Variants in EYA2 observed in about 807,000 individuals in gnomAD.
The protein encoded by EYA2 is protein phosphatase EYA2.
A neutral mutation model predicts 69.2 loss-of-function variants in EYA2; 31 were observed. The observed-to-expected ratio is 0.45, with a 90% CI of 0.34 to 0.60. EYA2 has a LOEUF of 0.60. Ranked by LOEUF, EYA2 falls within the 20% of genes least tolerant of loss-of-function variation. The pLI is 0.02. For synonymous variants in EYA2, 257 were observed against 279.4 expected (o/e 0.92, Z 0.80); for missense variants, 622 against 701.2 (o/e 0.89, Z 1.28).
chr20:47,187,637 A>G (rs1430448004), intron 15 of EYA2, among the ~76,000 whole-genome samples: 1 of 152,172 alleles, frequency 6.6e-6, no homozygotes, highest in Non-Finnish European at 1.5e-5. Flanking sequence ...CCCGGCCTCA[A>G]GCAATCCTCC....
intron 9 of EYA2, chr20:47,117,608 G>C: frequency 2.0e-6 from 2 of 985,380 alleles, no homozygotes; most frequent in Non-Finnish European, 2.4e-6. Context: ...TAGGCGGCTT[G>C]GCCTGTCTGT....
chr20:47,089,123 C>G, intron 7 of EYA2, 116 bp from the exon 8 acceptor site: 1 of 1,234,272 alleles, frequency 8.1e-7, no homozygotes, highest in Non-Finnish European at 1.1e-6. Context: ...ATCTTTGCCT[C>G]TGGTGCTGCC....
chr20:46,919,779 AG>A (rs2146236101), intron 1 of EYA2, among the ~76,000 whole-genome samples: 1 of 152,358 alleles, frequency 6.6e-6, no homozygotes, highest in South Asian at 2.1e-4. Context: ...CAAGAGGCCT[AG>A]CTTTCATCCT....
chr20:47,039,240 C>G (rs1162282320), intron 5 of EYA2, among the ~76,000 whole-genome samples: 1 of 152,142 alleles, frequency 6.6e-6, no homozygotes, highest in Non-Finnish European at 1.5e-5. Context: ...TTTGTACCAC[C>G]CATGAGCTTA....
At chr20:47,093,228 A>C (rs968576985) in intron 8 of EYA2, among the ~76,000 whole-genome samples, 2 of 151,922 alleles carry the variant, frequency 1.3e-5, no homozygotes, top group African/African-American at 4.8e-5. Flanking sequence ...TCCCAATGAA[A>C]CCAGGTCCTG....
chr20:47,123,356 A>C (rs1337297271), intron 9 of EYA2, among the ~76,000 whole-genome samples: 9 of 152,120 alleles, frequency 5.9e-5, no homozygotes, highest in Admixed American at 4.6e-4. Flanking sequence ...TTATTAAAAT[A>C]TTGTCATGAG....
intron 5 of EYA2, among the ~76,000 whole-genome samples, chr20:47,044,681 G>A (rs1016836311): frequency 7.2e-5 from 11 of 152,152 alleles, no homozygotes; most frequent in Admixed American, 5.9e-4. Context: ...TTGAGGGCAT[G>A]CCAAGTGCTT....
intron 10 of EYA2, among the ~76,000 whole-genome samples, chr20:47,144,881 C>G (rs945762635): frequency 2.0e-5 from 3 of 151,176 alleles, no homozygotes; most frequent in Admixed American, 1.3e-4. Flanking sequence ...AGAGAGAAAA[C>G]AAACAAACAA....
At chr20:47,099,241 C>T (rs1284857408) in intron 9 of EYA2, among the ~76,000 whole-genome samples, 1 of 152,228 alleles carries the variant, frequency 6.6e-6, no homozygotes, top group Non-Finnish European at 1.5e-5. Context: ...GCACTTCTGG[C>T]CTGTCCCCAA....
intron 5 of EYA2, among the ~76,000 whole-genome samples, chr20:47,041,139 G>A (rs75997316): frequency 0.032 from 4,803 of 152,202 alleles, 268 homozygotes; most frequent in African/African-American, 0.11. Flanking sequence ...AAGCAGTCCC[G>A]CCCCTGCGAG....
chr20:47,025,126 C>T (rs1984002353), intron 5 of EYA2, among the ~76,000 whole-genome samples: 1 of 152,176 alleles, frequency 6.6e-6, no homozygotes, highest in African/African-American at 2.4e-5. Flanking sequence ...CATCAAGATA[C>T]TTTCACTTCC....
rs142397277 is a variant in EYA2, at chr20:46,921,199, C to T, written c.-11+26212C>T. Among the ~76,000 whole-genome samples, 363 of 152,352 alleles carry T rather than the reference C, an allele frequency of 2.4e-3. 2 individuals are homozygous for T. The highest frequency in any genetic ancestry group is 8.0e-3 in the African/African-American group (333 of 41,586). On this transcript the variant is annotated intron_variant, in intron 1 of 15. Transcript: ENST00000327619. ...CTGTGGAGACTTGGAGCCAGCAATG[C>T]GCCGGCCCTCGCCTCAGAGAGCTTG...
intron 1 of EYA2, among the ~76,000 whole-genome samples, chr20:46,921,247 C>G (rs943379772): frequency 1.3e-5 from 2 of 152,254 alleles, no homozygotes; most frequent in African/African-American, 4.8e-5. Flanking sequence ...TGAGACCAGG[C>G]AAGCACAGAT....
intron 9 of EYA2, among the ~76,000 whole-genome samples, chr20:47,116,828 A>G (rs2032907542): frequency 6.6e-6 from 1 of 152,152 alleles, no homozygotes; most frequent in Non-Finnish European, 1.5e-5. Context: ...GGATGTATGA[A>G]TGCTGGGACT....
intron 5 of EYA2, among the ~76,000 whole-genome samples, chr20:47,052,207 C>T (rs748310166): frequency 3.9e-5 from 6 of 152,112 alleles, no homozygotes; most frequent in Non-Finnish European, 7.3e-5. Flanking sequence ...ATTTCAGAGG[C>T]GTGCTACTAA....
chr20:47,057,603 C>T (rs967061406), intron 5 of EYA2, among the ~76,000 whole-genome samples: 2 of 150,864 alleles, frequency 1.3e-5, no homozygotes, highest in African/African-American at 4.9e-5. Context: ...ATCAGTAAGA[C>T]TTTATTAAGA....
intron 9 of EYA2, among the ~76,000 whole-genome samples, chr20:47,097,992 A>G (rs1393818836): frequency 6.6e-6 from 1 of 152,168 alleles, no homozygotes; most frequent in Non-Finnish European, 1.5e-5. Context: ...CGCCTGGAAA[A>G]TATTTCTGTT....
chr20:47,115,325 G>T (rs1364794876), intron 9 of EYA2, among the ~76,000 whole-genome samples: 1 of 152,170 alleles, frequency 6.6e-6, no homozygotes, highest in Non-Finnish European at 1.5e-5. Flanking sequence ...TGGCCATACA[G>T]GTGCCTTTGC....
intron 1 of EYA2, among the ~76,000 whole-genome samples, chr20:46,959,258 C>T (rs1453066821): frequency 6.6e-6 from 1 of 152,186 alleles, no homozygotes; most frequent in African/African-American, 2.4e-5. Flanking sequence ...TTGCATCTGT[C>T]ATTGTGTACA....
Sources: allele counts gnomAD v4.1 joint callset (sites outside exome capture counted in the v4.1 genomes callset), GRCh38; gene constraint gnomAD v4.1.1; transcripts MANE v1.5; gene names NCBI Gene and HGNC (gene_info 2026-07-23, HGNC 2026-07-21).